RSBN1: variants seen among roughly 807,000 people sequenced by gnomAD.
The protein encoded by RSBN1 is round spermatid basic protein 1.
A neutral mutation model predicts 74.8 loss-of-function variants in RSBN1; 23 were observed. The observed-to-expected ratio is 0.31, with a 90% CI of 0.22 to 0.44. RSBN1 has a LOEUF of 0.44. RSBN1 is among the 20% of genes least tolerant of loss of function. The pLI is 1.00. For missense variants in RSBN1, 808 were observed against 1,020.9 expected, an observed-to-expected ratio of 0.79 and a Z score of 2.84; for synonymous variants, 407 against 379.6, an observed-to-expected ratio of 1.07 and a Z score of -0.84.
Position 113,812,309 on chromosome 1 carries a change from C to T in RSBN1, c.104G>A (p.Gly35Glu), listed in dbSNP as rs374756604. ...ACATTTAAATGGCCCGACCGCCCCCCCGTCCGCGCATCGCGCAAGCGCCGC... is the reference window on the plus strand; with the variant it reads ...ACATTTAAATGGCCCGACCGCCCCCTCGTCCGCGCATCGCGCAAGCGCCGC... ...ARAALARCAD[G>E]GAVGPFKCVF... Residue 35 changes from glycine to glutamate, a missense_variant, in exon 1 of 7, where the codon GGG becomes GAG. Coordinates refer to ENST00000261441, the MANE Select transcript of RSBN1 (RefSeq NM_018364.5). 8.7e-6 allele frequency: 14 copies of T among 1,604,298 alleles called. No individual in the cohort carries two copies. Among genetic ancestry groups the T allele is most frequent in the Admixed American group, 1.7e-5 (1 of 60,008 alleles).
intron 1 of RSBN1, among the ~76,000 whole-genome samples, chr1:113,806,939 A>G (rs544069980): frequency 1.8e-4 from 27 of 151,530 alleles, no homozygotes; most frequent in African/African-American, 6.5e-4. Flanking sequence ...CTTGAGCCCC[A>G]GAGGTTGAGG....
At chr1:113,793,036 T>A (rs1430743674) in intron 2 of RSBN1, among the ~76,000 whole-genome samples, 1 of 152,156 alleles carries the variant, frequency 6.6e-6, no homozygotes, top group Non-Finnish European at 1.5e-5. Flanking sequence ...CACAATAATT[T>A]AAAAATATAA....
chr1:113,792,981 G>A (rs898220922), intron 2 of RSBN1, among the ~76,000 whole-genome samples: 1 of 152,124 alleles, frequency 6.6e-6, no homozygotes, highest in South Asian at 2.1e-4. Flanking sequence ...GAGTTTTCTA[G>A]AATGTTAAAA....
At chr1:113,776,810 CAAAAAAA>C (rs58152175) in intron 4 of RSBN1, among the ~76,000 whole-genome samples, 2 of 90,262 alleles carry the variant, frequency 2.2e-5, no homozygotes, top group Admixed American at 1.3e-4. Context: ...GACCCTATCT[CAAAAAAA>C]AAAAAAAAAA....
chr1:113,804,976 G>A (rs1660674125), intron 1 of RSBN1, among the ~76,000 whole-genome samples: 1 of 151,546 alleles, frequency 6.6e-6, no homozygotes, highest in African/African-American at 2.4e-5. Flanking sequence ...ATCCGGTCAT[G>A]TAATGACATT....
chr1:113,766,735 T>A (rs149898304), intron 6 of RSBN1, among the ~76,000 whole-genome samples: 1 of 152,310 alleles, frequency 6.6e-6, no homozygotes, highest in East Asian at 1.9e-4. Context: ...GTATCAATAT[T>A]CTTTACCACA....
At chr1:113,783,171 A>G (rs924727511) in intron 2 of RSBN1, among the ~76,000 whole-genome samples, 1 of 152,122 alleles carries the variant, frequency 6.6e-6, no homozygotes. Context: ...ATTCAATATT[A>G]TATATCTGTA....
Position 113,777,778 on chromosome 1 carries a change from G to T in RSBN1, c.1408C>A (p.Arg470=). 1 of 1,603,700 alleles carries T rather than the reference G, an allele frequency of 6.2e-7. No individual in the cohort carries two copies. Among genetic ancestry groups the T allele is most frequent in the Non-Finnish European group, 8.5e-7 (1 of 1,173,518 alleles). Reference sequence around the variant, plus strand: ...CTTATCTGCCGCATAGGACCTGCTCGGTAGGTGCCACAGCAGTATGTCCTG... The same window carrying T: ...CTTATCTGCCGCATAGGACCTGCTCTGTAGGTGCCACAGCAGTATGTCCTG... ...VNRTYCCGTY[R]AGPMRQISLV... The change falls in exon 3 of 7, where the codon CGA becomes AGA. Residue 470 remains arginine (R), a synonymous_variant. Transcript: ENST00000261441.
chr1:113,766,488 A>T, intron 6 of RSBN1, 35 bp from the exon 7 acceptor site: 8 of 1,323,280 alleles, frequency 6.0e-6, no homozygotes, highest in African/African-American at 1.5e-5. Context: ...AGACTTTAAA[A>T]TATGTAATAA....
intron 1 of RSBN1, among the ~76,000 whole-genome samples, chr1:113,803,836 C>T (rs1166879196): frequency 6.6e-6 from 1 of 151,522 alleles, no homozygotes; most frequent in Non-Finnish European, 1.5e-5. Flanking sequence ...GGTACAGTGC[C>T]TCATGCCTGT....
At position 113,762,249 on chromosome 1, in the gene RSBN1, GA is replaced by G. The variant is rs1340907340; in HGVS notation, c.*3730del. 1 of 152,746 alleles carries G rather than the reference GA, an allele frequency of 6.5e-6. No homozygotes were observed. Among genetic ancestry groups the G allele is most frequent in the East Asian group, 1.9e-4 (1 of 5,342 alleles). 9.5% of individuals were successfully genotyped at this position (152,746 alleles called of 1,614,324 possible). A position where few individuals can be genotyped will look rare whatever the true frequency, so the allele number is the denominator to read the frequency against. On this transcript the variant is annotated 3_prime_UTR_variant, in exon 7 of 7. Coordinates refer to ENST00000261441, the MANE Select transcript of RSBN1 (RefSeq NM_018364.5). ...CATAAGTATTTCTTTAGAGAGAATT[GA>G]AAAGTGCTATATTTTAAGAGACAGT...
chr1:113,798,130 CA>C, intron 1 of RSBN1, 94 bp from the exon 2 acceptor site: 1 of 1,091,538 alleles, frequency 9.2e-7, no homozygotes, highest in Non-Finnish European at 1.3e-6. Context: ...AGCCTATCCT[CA>C]ATTTCTCTGA....
chr1:113,766,566 T>C, intron 6 of RSBN1, 113 bp from the exon 7 acceptor site: 1 of 681,660 alleles, frequency 1.5e-6, no homozygotes, highest in Non-Finnish European at 2.4e-6. Flanking sequence ...AATAATCAAA[T>C]TAAAATTAAG....
At chr1:113,784,417 T>A (rs1660197999) in intron 2 of RSBN1, among the ~76,000 whole-genome samples, 1 of 152,200 alleles carries the variant, frequency 6.6e-6, no homozygotes, top group African/African-American at 2.4e-5. Context: ...GTTATTGTAC[T>A]GAATACTGTA....
chr1:113,797,560 C>T lies in RSBN1; in HGVS notation c.1180G>A (p.Glu394Lys). The change falls in exon 2 of 7, where the codon GAG becomes AAG. Residue 394 changes from glutamate (E) to lysine (K), a missense_variant. By Grantham distance (56) the Glu-to-Lys change is moderately conservative (BLOSUM62 1). This residue lies in a region of RSBN1 where 85 missense variants were observed against 126.2 expected (regional missense o/e 0.67). Coordinates refer to ENST00000261441, the MANE Select transcript of RSBN1 (RefSeq NM_018364.5). ...SPMEMERFSEEFLALTFSENE... is the reference protein window; with the variant it reads ...SPMEMERFSEKFLALTFSENE... The stretch of plus-strand genomic sequence containing the variant: ...TCACTGAATGTCAAAGCAAGAAACT[C>T]CTCAGAAAATCTCTCCATCTCCATT... The T allele has an allele frequency of 6.2e-7, 1 of 1,612,016 alleles. No individual in the cohort carries two copies. Among genetic ancestry groups the T allele is most frequent in the Non-Finnish European group, 8.5e-7 (1 of 1,178,916 alleles).
chr1:113,805,111 A>G (rs1218560408), intron 1 of RSBN1, among the ~76,000 whole-genome samples: 3 of 151,920 alleles, frequency 2.0e-5, no homozygotes, highest in Non-Finnish European at 4.4e-5. Flanking sequence ...TTAAGGAAGT[A>G]TGTTTGTCCT....
intron 1 of RSBN1, among the ~76,000 whole-genome samples, chr1:113,798,945 T>C (rs1231923194): frequency 6.6e-6 from 1 of 152,186 alleles, no homozygotes; most frequent in Admixed American, 6.5e-5. Context: ...CCAATCTGGA[T>C]AGCTACTCCT....
In RSBN1 at chr1:113,811,789, T is replaced by C; in HGVS notation, c.624A>G (p.Gly208=). Residue 208 remains glycine, a synonymous_variant, in exon 1 of 7, where the codon GGA becomes GGG. Transcript: ENST00000261441. The part of the protein sequence containing the change: ...RGPDGDPSSC[G]TDLKHKDKQE... Reference sequence around the variant, plus strand: ...GCTTGTCCTTGTGCTTGAGATCGGTTCCGCAGGAGCTGGGATCACCATCGG... The same window carrying C: ...GCTTGTCCTTGTGCTTGAGATCGGTCCCGCAGGAGCTGGGATCACCATCGG... 6.2e-7 allele frequency: 1 copy of C among 1,613,686 alleles called. No individual in the cohort carries two copies. Among genetic ancestry groups the C allele is most frequent in the Non-Finnish European group, 8.5e-7 (1 of 1,179,918 alleles).
At chr1:113,784,583 A>T (rs1660200515) in intron 2 of RSBN1, among the ~76,000 whole-genome samples, 1 of 152,300 alleles carries the variant, frequency 6.6e-6, no homozygotes, top group Middle Eastern at 3.4e-3. Flanking sequence ...AGAAGTGTGC[A>T]ACCTAGATCC....
Sources: allele counts gnomAD v4.1 joint callset (sites outside exome capture counted in the v4.1 genomes callset), GRCh38; gene constraint gnomAD v4.1.1; regional missense constraint gnomAD v4.1.1; transcripts MANE v1.5; gene names NCBI Gene and HGNC (gene_info 2026-07-23, HGNC 2026-07-21).